NRF1: variants seen among roughly 807,000 people sequenced by gnomAD.
NRF1 encodes the protein nuclear respiratory factor 1.
NRF1 carries 5 observed loss-of-function variants against 58.5 expected under a neutral mutation model. The ratio of observed to expected loss-of-function variants is 0.09; its 90% CI spans 0.04 to 0.18. The LOEUF is 0.18. Among genes scored for constraint, NRF1 ranks in the 10% least tolerant of loss-of-function variants. NRF1 has a pLI of 1.00. For missense variants in NRF1, 288 were observed against 657.7 expected (o/e 0.44, Z 6.15); for synonymous variants, 224 against 246.7 (o/e 0.91, Z 0.86).
chr7:129,710,100 C>G (rs1403361566), intron 6 of NRF1, among the ~76,000 whole-genome samples: 5 of 152,136 alleles, frequency 3.3e-5, no homozygotes, highest in Non-Finnish European at 7.4e-5. Context: ...TCAGAATAAT[C>G]TTTCTTTGCA....
intron 5 of NRF1, among the ~76,000 whole-genome samples, chr7:129,700,622 AG>A (rs1486779164): frequency 2.0e-5 from 3 of 152,236 alleles, no homozygotes; most frequent in Admixed American, 2.0e-4. Context: ...AATGAAATTA[AG>A]AGAATATATA....
chr7:129,673,421 T>G (rs1178023560), intron 3 of NRF1, among the ~76,000 whole-genome samples: 2 of 152,188 alleles, frequency 1.3e-5, no homozygotes, highest in African/African-American at 4.8e-5. Context: ...CATCCATTGT[T>G]ACTATATTTT....
chr7:129,619,433 TACACACACACACAC>T (rs754223551), intron 1 of NRF1, among the ~76,000 whole-genome samples: 8 of 65,836 alleles, frequency 1.2e-4, no homozygotes, highest in African/African-American at 1.6e-4. Context: ...TATATATATA[TACACACACACACAC>T]ATATATATAC....
At chr7:129,653,226 T>C (rs1467608226) in intron 1 of NRF1, among the ~76,000 whole-genome samples, 1 of 152,260 alleles carries the variant, frequency 6.6e-6, no homozygotes, top group Non-Finnish European at 1.5e-5. Context: ...ATCCTCAAGG[T>C]TGATCCATGT....
rs573176570 is a variant in NRF1 at position 129,751,890 on chromosome 7, A to C, written c.1349-3128A>C. Among the ~76,000 whole-genome samples, 6 of 152,268 alleles carry C rather than the reference A, an allele frequency of 3.9e-5. 1 individual carries two copies. Among genetic ancestry groups the C allele is most frequent in the South Asian group, 4.1e-4 (2 of 4,822 alleles). ...AAGAGAGCCTGATCGTGATAGGAGG[A>C]GGCGGGGGACTGACGGGGTTATACA... On this transcript the variant is annotated intron_variant, in intron 10 of 10. Coordinates refer to ENST00000393232, the MANE Select transcript of NRF1 (RefSeq NM_005011.5).
At chr7:129,717,032 A>G (rs1208063313) in intron 8 of NRF1, among the ~76,000 whole-genome samples, 187 bp from the exon 9 acceptor site, 2 of 152,184 alleles carry the variant, frequency 1.3e-5, no homozygotes, top group Non-Finnish European at 2.9e-5. Context: ...ATTCAGGTAT[A>G]TATTCTAATA....
At chr7:129,701,154 A>C (rs1005997541) in intron 5 of NRF1, among the ~76,000 whole-genome samples, 1 of 152,220 alleles carries the variant, frequency 6.6e-6, no homozygotes, top group Non-Finnish European at 1.5e-5. Context: ...ATTCATAAGA[A>C]AAAGATAATT....
At chr7:129,634,032 A>T (rs1801110905) in intron 1 of NRF1, among the ~76,000 whole-genome samples, 1 of 49,308 alleles carries the variant, frequency 2.0e-5, no homozygotes, top group Non-Finnish European at 4.0e-5. Flanking sequence ...CTGTATTTAA[A>T]AAAAAAAAAA....
intron 1 of NRF1, among the ~76,000 whole-genome samples, chr7:129,613,217 T>G (rs1415672777): frequency 6.6e-6 from 1 of 152,198 alleles, no homozygotes; most frequent in Non-Finnish European, 1.5e-5. Context: ...CCTAGCCTTT[T>G]AAAAAATTAT....
At chr7:129,695,844 C>T (rs1479929665) in intron 5 of NRF1, among the ~76,000 whole-genome samples, 5 of 151,226 alleles carry the variant, frequency 3.3e-5, no homozygotes, top group African/African-American at 4.8e-5. Context: ...TTTTCATTTT[C>T]TTTATCTAAA....
At chr7:129,699,778 T>C (rs1208775854) in intron 5 of NRF1, among the ~76,000 whole-genome samples, 2 of 150,496 alleles carry the variant, frequency 1.3e-5, no homozygotes, top group Non-Finnish European at 3.0e-5. Flanking sequence ...CCAGGGACCA[T>C]GGGGAGGTAG....
chr7:129,641,746 C>T (rs1584599718), intron 1 of NRF1: 1 of 151,952 alleles, frequency 6.6e-6, no homozygotes, highest in African/African-American at 2.4e-5. Context: ...GTGGTGTGAT[C>T]TCGGCTCTCT....
intron 2 of NRF1, among the ~76,000 whole-genome samples, chr7:129,661,809 T>C (rs1379680193): frequency 1.3e-5 from 2 of 150,924 alleles, no homozygotes; most frequent in Non-Finnish European, 2.9e-5. Flanking sequence ...ACTTCCACAT[T>C]TTTAGGTATC....
At chr7:129,719,897 G>T (rs569268070) in intron 9 of NRF1, among the ~76,000 whole-genome samples, 1 of 152,128 alleles carries the variant, frequency 6.6e-6, no homozygotes, top group African/African-American at 2.4e-5. Flanking sequence ...GAGACTTGCA[G>T]CCAACACCTT....
intron 10 of NRF1, among the ~76,000 whole-genome samples, chr7:129,727,866 T>C (rs1803485277): frequency 1.3e-5 from 2 of 152,218 alleles, no homozygotes; most frequent in Non-Finnish European, 1.5e-5. Flanking sequence ...CTTCCTGTTA[T>C]ATGTAGCCTC....
chr7:129,729,239 G>C (rs1362989374), intron 10 of NRF1, among the ~76,000 whole-genome samples: 1 of 140,298 alleles, frequency 7.1e-6, no homozygotes, highest in African/African-American at 2.6e-5. Flanking sequence ...TTTATAATAA[G>C]TCCAAGGACC....
intron 10 of NRF1, among the ~76,000 whole-genome samples, chr7:129,754,307 AATT>A (rs1270198408): frequency 6.6e-6 from 1 of 151,314 alleles, no homozygotes; most frequent in Non-Finnish European, 1.5e-5. Flanking sequence ...AAAAAAAAAA[AATT>A]ATATTAGCCA....
chr7:129,643,382 G>A (rs1037162124), intron 1 of NRF1, among the ~76,000 whole-genome samples: 6 of 152,184 alleles, frequency 3.9e-5, no homozygotes, highest in Non-Finnish European at 7.3e-5. Flanking sequence ...TTTGAGACTG[G>A]GGGGCGGGAC....
chr7:129,613,944 A>G (rs7795187), intron 1 of NRF1, among the ~76,000 whole-genome samples: 29,415 of 151,912 alleles, frequency 0.19, 3,136 homozygotes, highest in East Asian at 0.47. Flanking sequence ...CAAAAACTCT[A>G]CTTAATCTTT....
Sources: allele counts gnomAD v4.1 joint callset (sites outside exome capture counted in the v4.1 genomes callset), GRCh38; gene constraint gnomAD v4.1.1; transcripts MANE v1.5; gene names NCBI Gene and HGNC (gene_info 2026-07-23, HGNC 2026-07-21).